PDE10A: variants seen among roughly 807,000 people sequenced by gnomAD.
PDE10A encodes phosphodiesterase 10A.
Under a neutral mutation model 97.7 loss-of-function variants are expected in PDE10A, and 39 were observed. The ratio of observed to expected loss-of-function variants is 0.40; its 90% CI spans 0.31 to 0.52. The LOEUF is 0.52. PDE10A is among the 20% of genes least tolerant of loss of function. PDE10A has a pLI of 0.56. For missense variants in PDE10A, 731 were observed against 1,047.8 expected, an observed-to-expected ratio of 0.70 and a Z score of 4.17; for synonymous variants, 371 against 376.8, an observed-to-expected ratio of 0.98 and a Z score of 0.18.
At chr6:165,901,198 T>A (rs1220959993) in intron 1 of PDE10A, among the ~76,000 whole-genome samples, 1 of 152,136 alleles carries the variant, frequency 6.6e-6, no homozygotes, top group Non-Finnish European at 1.5e-5. Flanking sequence ...CGTCTCCAGC[T>A]CCTGGCTCGA....
intron 1 of PDE10A, among the ~76,000 whole-genome samples, chr6:165,648,821 A>G (rs1055123558): frequency 1.1e-4 from 17 of 152,248 alleles, no homozygotes; most frequent in Non-Finnish European, 1.5e-5. Flanking sequence ...CTAGGGCAGT[A>G]ATATTATTCA....
intron 1 of PDE10A, among the ~76,000 whole-genome samples, chr6:165,950,934 C>G (rs140789328): frequency 1.3e-5 from 2 of 152,184 alleles, no homozygotes; most frequent in Admixed American, 6.5e-5. Flanking sequence ...GAACATGTGT[C>G]CTCTTTGAAA....
intron 1 of PDE10A, among the ~76,000 whole-genome samples, chr6:165,545,595 C>A (rs1262418432): frequency 1.3e-5 from 2 of 151,958 alleles, no homozygotes; most frequent in African/African-American, 4.8e-5. Flanking sequence ...AAACAATCAA[C>A]CCAACTGAAA....
chr6:165,332,185 A>G lies in PDE10A; in HGVS notation c.*840T>C, dbSNP rs550152717. ...TCCATAAGACTTGTCCATTAAAAAAATTACAATGCCGAGCTTTTATTTTGT... is the reference window on the plus strand; with the variant it reads ...TCCATAAGACTTGTCCATTAAAAAAGTTACAATGCCGAGCTTTTATTTTGT... On this transcript the variant is annotated 3_prime_UTR_variant, in exon 22 of 22. Coordinates refer to ENST00000539869, the MANE Select transcript of PDE10A (RefSeq NM_001385079.1). 5 of 152,238 alleles carry G rather than the reference A, an allele frequency of 3.3e-5. No homozygotes were observed. Among genetic ancestry groups the G allele is most frequent in the Non-Finnish European group, 7.3e-5 (5 of 68,036 alleles). 9.4% of individuals were successfully genotyped at this position (152,238 alleles called of 1,614,324 possible).
At chr6:165,590,684 G>A (rs538165124) in intron 1 of PDE10A, among the ~76,000 whole-genome samples, 3 of 152,296 alleles carry the variant, frequency 2.0e-5, no homozygotes, top group Admixed American at 1.3e-4. Context: ...GAGATCAGCA[G>A]ATCGAGACCA....
At chr6:165,716,911 T>C (rs1792038949) in intron 1 of PDE10A, among the ~76,000 whole-genome samples, 1 of 152,238 alleles carries the variant, frequency 6.6e-6, no homozygotes, top group Non-Finnish European at 1.5e-5. Context: ...ACCTTCACAC[T>C]GATCAGCCGT....
rs529623158 is a variant in PDE10A, at chr6:165,524,773, G to A, written c.994+18667C>T. On this transcript the variant is annotated intron_variant, in intron 2 of 21. Coordinates refer to ENST00000539869, the MANE Select transcript of PDE10A (RefSeq NM_001385079.1). ...CAATGAAAGATGCATGCACAGCCTC[G>A]CCAGGTGTCTGCTGTTAAAGTGAGG... Among the ~76,000 whole-genome samples the A allele has an allele frequency of 5.9e-5, 9 of 152,246 alleles. No homozygotes were observed. In the East Asian group the frequency reaches 1.2e-3, roughly 20 times the overall value.
chr6:165,336,236 C>T (rs1781639083), intron 20 of PDE10A, 25 bp from the exon 21 acceptor site: 1 of 1,554,486 alleles, frequency 6.4e-7, no homozygotes, highest in Non-Finnish European at 8.9e-7. Flanking sequence ...AAACCACGGA[C>T]AAGAAACAAA....
At chr6:165,736,784 A>C (rs1464463235) in intron 1 of PDE10A, among the ~76,000 whole-genome samples, 7 of 152,240 alleles carry the variant, frequency 4.6e-5, no homozygotes, top group Admixed American at 4.6e-4. Flanking sequence ...CAAAGTTAGC[A>C]GATGGAAGGA....
rs567520231 is a variant in PDE10A, at chr6:165,469,967, G to C, written c.1023+12348C>G. The stretch of plus-strand genomic sequence containing the variant: ...CTGTCCACTCCTCCTTGTGCTTTCC[G>C]TTCCACCCTTGGGTCCCATCACTTT... On this transcript the variant is annotated intron_variant, in intron 3 of 21. Transcript: ENST00000539869. Among the ~76,000 whole-genome samples the C allele has an allele frequency of 1.2e-3, 179 of 152,268 alleles. 1 individual carries two copies. Among genetic ancestry groups the C allele is most frequent in the African/African-American group, 4.2e-3 (173 of 41,534 alleles).
Position 165,329,324 on chromosome 6 carries a change from G to A in PDE10A, c.*3701C>T, listed in dbSNP as rs1249215971. On this transcript the variant is annotated 3_prime_UTR_variant, in exon 22 of 22. Transcript: ENST00000539869. The stretch of plus-strand genomic sequence containing the variant: ...ATAAAGAACAGAAATCTGATGAGGA[G>A]AGAATGGTCCTATTCATTCAACTTG... 6.6e-6 allele frequency: 1 copy of A among 152,150 alleles called. No homozygotes were observed. Among genetic ancestry groups the A allele is most frequent in the East Asian group, 1.9e-4 (1 of 5,184 alleles). 9.4% of individuals were successfully genotyped at this position (152,150 alleles called of 1,614,324 possible).
chr6:165,497,882 C>T (rs767281837), intron 2 of PDE10A, among the ~76,000 whole-genome samples: 2 of 152,040 alleles, frequency 1.3e-5, no homozygotes, highest in South Asian at 2.1e-4. Flanking sequence ...TAAACTCTGT[C>T]GACATTTGAG....
intron 1 of PDE10A, among the ~76,000 whole-genome samples, chr6:165,656,278 A>T (rs1789959688): frequency 7.3e-6 from 1 of 137,298 alleles, no homozygotes; most frequent in South Asian, 3.0e-4. Context: ...ACACACACAC[A>T]CACACACACA....
At chr6:165,609,310 C>T (rs575895084) in intron 1 of PDE10A, among the ~76,000 whole-genome samples, 1 of 152,096 alleles carries the variant, frequency 6.6e-6, no homozygotes, top group African/African-American at 2.4e-5. Flanking sequence ...ATTCAACAGC[C>T]CTTCATGCTA....
At chr6:165,556,269 C>A (rs1352941622) in intron 1 of PDE10A, among the ~76,000 whole-genome samples, 1 of 152,114 alleles carries the variant, frequency 6.6e-6, no homozygotes, top group East Asian at 1.9e-4. Context: ...GCGGTTAAGA[C>A]CAGCTTAAGG....
intron 1 of PDE10A, among the ~76,000 whole-genome samples, chr6:165,591,168 T>C (rs182998952): frequency 1.3e-5 from 2 of 152,288 alleles, no homozygotes; most frequent in East Asian, 1.9e-4. Context: ...GTGTAATTCA[T>C]TGTAAATTTG....
chr6:165,685,999 T>G (rs1791104177), intron 1 of PDE10A, among the ~76,000 whole-genome samples: 1 of 152,136 alleles, frequency 6.6e-6, no homozygotes, highest in Admixed American at 6.5e-5. Flanking sequence ...TAATTGTGTT[T>G]GTGAATGGGG....
chr6:165,408,649 A>G (rs746987960), intron 13 of PDE10A, among the ~76,000 whole-genome samples: 1 of 152,126 alleles, frequency 6.6e-6, no homozygotes, highest in Non-Finnish European at 1.5e-5. Context: ...AAGGCAAAAA[A>G]TATCATTGTA....
At chr6:165,616,401 A>G (rs1787728341) in intron 1 of PDE10A, among the ~76,000 whole-genome samples, 1 of 152,174 alleles carries the variant, frequency 6.6e-6, no homozygotes, top group South Asian at 2.1e-4. Flanking sequence ...CTTGGCAGGC[A>G]GTAGGAAAAC....
Sources: allele counts gnomAD v4.1 joint callset (sites outside exome capture counted in the v4.1 genomes callset), GRCh38; gene constraint gnomAD v4.1.1; transcripts MANE v1.5; gene names NCBI Gene and HGNC (gene_info 2026-07-23, HGNC 2026-07-21).